Variants in BPIFB3 observed in about 807,000 individuals in gnomAD.
BPIFB3 encodes BPI fold containing family B member 3.
In BPIFB3, 49 loss-of-function variants were observed where a neutral mutation model predicts 53.1. That is an observed-to-expected ratio of 0.92 (90% CI 0.73 to 1.17). BPIFB3 has a LOEUF of 1.17. Ranked by LOEUF, BPIFB3 falls within the 50% of genes most tolerant of loss-of-function variation. The pLI is 0.00. For missense variants in BPIFB3, 628 were observed against 592.5 expected, an observed-to-expected ratio of 1.06 and a Z score of -0.62; for synonymous variants, 271 against 269.6, an observed-to-expected ratio of 1.01 and a Z score of -0.05.
chr20:33,066,758 G>C, intron 8 of BPIFB3, 66 bp from the exon 10 acceptor site: 1 of 1,505,712 alleles, frequency 6.6e-7, no homozygotes, highest in Non-Finnish European at 9.2e-7. Flanking sequence ...AAACTGCTCT[G>C]AGTGTGCTGA....
chr20:33,064,364 G>A (rs1238626020), intron 6 of BPIFB3, 93 bp from the exon 8 acceptor site: 7 of 998,652 alleles, frequency 7.0e-6, no homozygotes, highest in Non-Finnish European at 1.1e-5. Context: ...AGAGTGCTAG[G>A]CATTCAGCAG....
intron 8 of BPIFB3, among the ~76,000 whole-genome samples, chr20:33,065,099 C>G (rs563790625): frequency 6.6e-6 from 1 of 152,290 alleles, no homozygotes; most frequent in South Asian, 2.1e-4. Flanking sequence ...CTTGGCACTC[C>G]AGGAGGTCAC....
At chr20:33,063,641 G>A (rs775789524) in exon 6 of BPIFB3, 38 of 1,613,970 alleles carry the variant, frequency 2.4e-5, no homozygotes, top group Non-Finnish European at 3.0e-5. Context: ...ACAGTGTGCT[G>A]GGTGTGGTGA....
chr20:33,062,158 A>G (rs776205743), intron 5 of BPIFB3, among the ~76,000 whole-genome samples: 1 of 152,196 alleles, frequency 6.6e-6, no homozygotes, highest in Admixed American at 6.5e-5. Context: ...AAATTGGATC[A>G]CTTGGTGATT....
At chr20:33,068,464 G>A (rs1036823794) in intron 9 of BPIFB3, among the ~76,000 whole-genome samples, 1 of 152,230 alleles carries the variant, frequency 6.6e-6, no homozygotes, top group Non-Finnish European at 1.5e-5. Context: ...GAGCAGCCAC[G>A]TGGCCAGTGA....
intron 10 of BPIFB3, 40 bp downstream of exon 11, chr20:33,069,013 T>C (rs766334597): frequency 6.3e-7 from 1 of 1,592,326 alleles, no homozygotes; most frequent in South Asian, 1.1e-5. Context: ...GGCATTGGGG[T>C]TCCAAATGGG....
At chr20:33,054,218 A>G (rs933902249), upstream of BPIFB3, among the ~76,000 whole-genome samples, 2 of 151,906 alleles carry the variant, frequency 1.3e-5, no homozygotes, top group African/African-American at 4.8e-5. Context: ...CTATGGAGAG[A>G]GTTCCAGGAG....
chr20:33,059,577 C>T (rs1980359072), intron 3 of BPIFB3, 95 bp downstream of exon 4: 2 of 889,736 alleles, frequency 2.2e-6, no homozygotes. Flanking sequence ...ACTCCCACCC[C>T]TCTGTATCCC....
intron 2 of BPIFB3, among the ~76,000 whole-genome samples, chr20:33,057,270 C>G (rs1012866584): frequency 3.5e-4 from 53 of 152,208 alleles, no homozygotes; most frequent in African/African-American, 1.1e-3. Context: ...CTCACTGCAA[C>G]CTCCGCTTCC....
chr20:33,066,687 C>A (rs931310046), intron 8 of BPIFB3, 137 bp from the exon 10 acceptor site: 2 of 791,840 alleles, frequency 2.5e-6, no homozygotes, highest in Non-Finnish European at 4.3e-6. Context: ...ATAGAACAAA[C>A]TTGAGTGTTT....
rs556785115 is a variant in BPIFB3, at chr20:33,065,539, G to A, written c.924+694G>A. On this transcript the variant is annotated intron_variant, in intron 8 of 14. Coordinates refer to ENST00000375494, the Ensembl canonical transcript of BPIFB3. ...AAAAGAGAAAGAAGGAAGGAAGGAA[G>A]GAAGGAGAGAAAGAAAAGAAAAAGA... Among the ~76,000 whole-genome samples the A allele has an allele frequency of 4.9e-5, 7 of 142,678 alleles. 1 individual carries two copies. The East Asian group carries it at 1.2e-3, about 25-fold the overall frequency. 93.6% of individuals were successfully genotyped at this position (142,678 alleles called of 152,430 possible).
intron 9 of BPIFB3, among the ~76,000 whole-genome samples, chr20:33,067,265 T>C (rs1356177395): frequency 1.3e-5 from 2 of 151,850 alleles, no homozygotes; most frequent in African/African-American, 4.8e-5. Flanking sequence ...AAAGGGAGAG[T>C]GTCAGGTAGG....
At chr20:33,060,212 A>G (rs974097886) in intron 4 of BPIFB3, among the ~76,000 whole-genome samples, 181 bp downstream of exon 5, 1 of 152,202 alleles carries the variant, frequency 6.6e-6, no homozygotes, top group Non-Finnish European at 1.5e-5. Flanking sequence ...CACCACTGAC[A>G]GGGACTCCGG....
intron 9 of BPIFB3, 86 bp downstream of exon 10, chr20:33,066,963 C>A: frequency 7.4e-7 from 1 of 1,352,364 alleles, no homozygotes; most frequent in Non-Finnish European, 1.1e-6. Context: ...CAATACAGCT[C>A]TCCAGGCAAC....
intron 4 of BPIFB3, 126 bp downstream of exon 5, chr20:33,060,157 GT>G (rs1210598779): frequency 4.6e-6 from 6 of 1,300,600 alleles, no homozygotes; most frequent in Non-Finnish European, 6.3e-6. Context: ...ACCCCTGCTT[GT>G]CCCGCCGGTT....
intron 6 of BPIFB3, 57 bp downstream of exon 7, chr20:33,063,732 C>G: frequency 1.3e-6 from 2 of 1,566,436 alleles, no homozygotes; most frequent in Non-Finnish European, 1.7e-6. Context: ...CTGTATGACC[C>G]CAATGGGGTA....
intron 2 of BPIFB3, among the ~76,000 whole-genome samples, chr20:33,059,040 C>A (rs915866194): frequency 4.6e-5 from 7 of 152,092 alleles, no homozygotes; most frequent in African/African-American, 1.7e-4. Context: ...GAAACCAAAC[C>A]AGGGCTGAGA....
intron 8 of BPIFB3, among the ~76,000 whole-genome samples, chr20:33,065,518 GAGAA>G (rs949800116): frequency 2.1e-5 from 3 of 144,046 alleles, no homozygotes; most frequent in African/African-American, 5.1e-5. Context: ...CTCAGAAAAA[GAGAA>G]AGAAGGAAGG....
intron 5 of BPIFB3, among the ~76,000 whole-genome samples, chr20:33,062,256 A>C (rs1980490537): frequency 6.6e-6 from 1 of 152,230 alleles, no homozygotes; most frequent in Non-Finnish European, 1.5e-5. Context: ...TTAAGATTAA[A>C]GGATGCCTGT....
Sources: allele counts gnomAD v4.1 joint callset (sites outside exome capture counted in the v4.1 genomes callset), GRCh38; gene constraint gnomAD v4.1.1; transcripts MANE v1.5; gene names NCBI Gene and HGNC (gene_info 2026-07-23, HGNC 2026-07-21).